Variants in DNMT1 observed in about 807,000 individuals in gnomAD.
DNMT1 encodes DNA methyltransferase 1, also known as DNA (cytosine-5)-methyltransferase 1.
Under a neutral mutation model 205.3 loss-of-function variants are expected in DNMT1, and 24 were observed. The observed-to-expected ratio is 0.12, with a 90% CI of 0.08 to 0.16. DNMT1 has a LOEUF of 0.16. DNMT1 is among the 10% of genes least tolerant of loss of function. DNMT1 has a pLI of 1.00. For missense variants in DNMT1, 1,293 were observed against 2,177.7 expected (o/e 0.59, Z 8.09); for synonymous variants, 817 against 839.8 (o/e 0.97, Z 0.47).
Position 10,149,504 on chromosome 19 carries a change from G to A in DNMT1, c.2535C>T (p.His845=), listed in dbSNP as rs2038289225. 6.2e-7 allele frequency: 1 copy of A among 1,614,116 alleles called. No homozygotes were observed. Among genetic ancestry groups the A allele is most frequent in the Non-Finnish European group, 8.5e-7 (1 of 1,180,022 alleles). ...CTTTGTAGATGACTTTCACTTTGCT[G>A]TGGATATATGAAAGCTGCATGTCCT... ...ECEDMQLSYI[H]SKVKVIYKAP... The change falls in exon 26 of 41, where the codon CAC becomes CAT. Residue 845 remains histidine, a synonymous_variant. Transcript: ENST00000359526.
At chr19:10,190,170 C>A (rs2039272087) in intron 1 of DNMT1, among the ~76,000 whole-genome samples, 1 of 152,110 alleles carries the variant, frequency 6.6e-6, no homozygotes, top group Non-Finnish European at 1.5e-5. Context: ...TTAATCCCAT[C>A]ACAGAATGAC....
rs2038347062 is a variant in DNMT1 at position 10,151,735 on chromosome 19, CT to C, written c.2117+14del. 1 of 1,613,964 alleles carries C rather than the reference CT, an allele frequency of 6.2e-7. No homozygotes were observed. The highest frequency in any genetic ancestry group is 1.3e-5 in the African/African-American group (1 of 74,932). On this transcript the variant is annotated intron_variant, in intron 23 of 40. Coordinates refer to ENST00000359526, the MANE Select transcript of DNMT1 (RefSeq NM_001130823.3). The surrounding 1 kb of genome is among the most constrained non-coding windows in gnomAD (Gnocchi z 5.0). ...CAAGTCCTCTGCCACAGGAGGAAGACTCGGCCTGACCTACCTCCGCTCTTGG... is the reference window on the plus strand; with the variant it reads ...CAAGTCCTCTGCCACAGGAGGAAGACCGGCCTGACCTACCTCCGCTCTTGG...
Position 10,140,282 on chromosome 19 carries a change from G to C in DNMT1, c.3570C>G (p.Ala1190=). Residue 1190 remains alanine (A), a synonymous_variant, in exon 33 of 41, where the codon GCC becomes GCG. Coordinates refer to ENST00000359526, the MANE Select transcript of DNMT1 (RefSeq NM_001130823.3). The surrounding 1 kb of genome is among the most constrained non-coding windows in gnomAD (Gnocchi z 8.4). ...CGGGGTTGTTCAGCCGGAACGCCTG[G>C]GCCGCAGGGTCCCACATCTCGATGG... ...LWAIEMWDPA[A]QAFRLNNPGS... The C allele has an allele frequency of 6.2e-7, 1 of 1,614,050 alleles. No individual in the cohort carries two copies. Among genetic ancestry groups the C allele is most frequent in the Non-Finnish European group, 8.5e-7 (1 of 1,180,034 alleles).
chr19:10,141,912 A>G, intron 30 of DNMT1, 116 bp downstream of exon 30: 2 of 1,293,498 alleles, frequency 1.5e-6, no homozygotes, highest in African/African-American at 2.9e-5. Context: ...CCAACCACCC[A>G]CTTCTTACAA....
rs1020363356 is a variant in DNMT1 at position 10,177,335 on chromosome 19, T to G, written c.526A>C (p.Lys176Gln). 7 of 1,613,876 alleles carry G rather than the reference T, an allele frequency of 4.3e-6. No homozygotes were observed. Among genetic ancestry groups the G allele is most frequent in the Middle Eastern group, 1.6e-4 (1 of 6,080 alleles). Residue 176 changes from lysine to glutamine, a missense_variant, in exon 6 of 41, where the codon AAA becomes CAA. This residue lies in a region of DNMT1 where 394 missense variants were observed against 451.6 expected (regional missense o/e 0.87). Coordinates refer to ENST00000359526, the MANE Select transcript of DNMT1 (RefSeq NM_001130823.3). ...EPSPSPRITRKSTRQTTITSH... is the reference protein window; with the variant it reads ...EPSPSPRITRQSTRQTTITSH... Reference sequence around the variant, plus strand: ...GTGATGGTGGTTTGCCTGGTGCTTTTCCTTGTAATCCTGGGGCTAGGTGAA... The same window carrying G: ...GTGATGGTGGTTTGCCTGGTGCTTTGCCTTGTAATCCTGGGGCTAGGTGAA...
intron 11 of DNMT1, among the ~76,000 whole-genome samples, chr19:10,166,378 G>A (rs1485442688): frequency 2.0e-5 from 3 of 152,098 alleles, no homozygotes; most frequent in African/African-American, 7.2e-5. Context: ...AAAGACAGAG[G>A]ACAACTGAGT....
At chr19:10,165,896 G>A (rs115372294) in intron 11 of DNMT1, among the ~76,000 whole-genome samples, 56 of 152,320 alleles carry the variant, frequency 3.7e-4, no homozygotes, top group African/African-American at 1.3e-3. Context: ...GGGTGGGGAT[G>A]GAAGCCCACT....
At chr19:10,170,523 A>G (rs765599942) in intron 9 of DNMT1, among the ~76,000 whole-genome samples, 3 of 152,224 alleles carry the variant, frequency 2.0e-5, no homozygotes, top group Non-Finnish European at 4.4e-5. Flanking sequence ...GGAAGCCTGT[A>G]ATCCCAGCTA....
In DNMT1 at chr19:10,138,410, T is replaced by C. The variant is rs565076498; in HGVS notation, c.4115+29A>G. On this transcript the variant is annotated intron_variant, in intron 35 of 40. Transcript: ENST00000359526. The surrounding 1 kb of genome is among the most constrained non-coding windows in gnomAD (Gnocchi z 4.1). ...TGAGCTACTGAGGCCTGCTCGGCAG[T>C]GTGTGGAGGAGCGACGGGGGCCACC... The C allele has an allele frequency of 1.5e-5, 25 of 1,613,594 alleles. 1 individual carries two copies. In the South Asian group the frequency reaches 2.6e-4, roughly 17 times the overall value.
Position 10,139,859 on chromosome 19 carries a change from C to G in DNMT1, c.3807-42G>C, listed in dbSNP as rs201924117. ...AGACTGCAGGAGTCACCTCCACAGA[C>G]AGAGGGAAGAAACGACCCACTGTGC... On this transcript the variant is annotated intron_variant, in intron 33 of 40. Coordinates refer to ENST00000359526, the MANE Select transcript of DNMT1 (RefSeq NM_001130823.3). 506 of 1,560,640 alleles carry G rather than the reference C, an allele frequency of 3.2e-4. 1 individual carries two copies. Among genetic ancestry groups the G allele is most frequent in the Middle Eastern group, 5.0e-4 (3 of 5,976 alleles).
intron 28 of DNMT1, among the ~76,000 whole-genome samples, chr19:10,144,948 G>A (rs912913554): frequency 2.6e-5 from 4 of 152,208 alleles, no homozygotes; most frequent in Non-Finnish European, 4.4e-5. Flanking sequence ...ATGTCGGCCA[G>A]GCTGGTCTTG....
chr19:10,172,006 CA>C lies in DNMT1; in HGVS notation c.768+1083del, dbSNP rs913252862. On this transcript the variant is annotated intron_variant, in intron 9 of 40. Transcript: ENST00000359526. ...TGGGTGATAGAGCGGGAGACTGTCT[CA>C]AAAAAAAAAAATTAAATTAAATTAA... is the stretch of plus-strand genomic sequence containing the variant. Among the ~76,000 whole-genome samples the C allele has an allele frequency of 1.5e-3, 201 of 132,172 alleles. 3 individuals carry two copies. The highest frequency in any genetic ancestry group is 0.011 in the Admixed American group (146 of 13,100). 86.7% of individuals were successfully genotyped at this position (132,172 alleles called of 152,430 possible). A position where few individuals can be genotyped will look rare whatever the true frequency, so the allele number is the denominator to read the frequency against.
In DNMT1 at chr19:10,138,628, A is replaced by AC; in HGVS notation, c.3949-24dup. 1 of 1,596,156 alleles carries AC rather than the reference A, an allele frequency of 6.3e-7. No homozygotes were observed. The highest frequency in any genetic ancestry group is 8.5e-7 in the Non-Finnish European group (1 of 1,178,506). On this transcript the variant is annotated intron_variant, in intron 34 of 40. Coordinates refer to ENST00000359526, the MANE Select transcript of DNMT1 (RefSeq NM_001130823.3). This position sits in a 1 kb window ranked among gnomAD's most constrained non-coding sequence, Gnocchi z 4.1. ...GGCCTGTGGGGGAGAAGGACGGACA[A>AC]CCCCACCGTCAGTGGGACACTCCCA...
chr19:10,143,956 G>A lies in DNMT1; in HGVS notation c.2926C>T (p.Arg976Trp), dbSNP rs1568226455. The A allele has an allele frequency of 1.9e-6, 3 of 1,614,048 alleles. No individual in the cohort carries two copies. Among genetic ancestry groups the A allele is most frequent in the Non-Finnish European group, 2.5e-6 (3 of 1,179,984 alleles). ...AGGTCCTCATCCACGGGCTCCTTCC[G>A]TGGGCGTTTCACGGGACTGGACAGC... The part of the protein sequence containing the change: ...IKLSSPVKRP[R>W]KEPVDEDLYP... Residue 976 changes from arginine (R) to tryptophan (W), a missense_variant, in exon 29 of 41, where the codon CGG (arginine) becomes TGG (tryptophan). Arg to Trp is a moderately radical substitution (Grantham distance 101). Coordinates refer to ENST00000359526, the MANE Select transcript of DNMT1 (RefSeq NM_001130823.3).
chr19:10,168,838 A>G (rs2038745050), intron 9 of DNMT1, among the ~76,000 whole-genome samples: 1 of 152,012 alleles, frequency 6.6e-6, no homozygotes, highest in Non-Finnish European at 1.5e-5. Flanking sequence ...GACTGCATTT[A>G]TTCATTTATT....
At chr19:10,148,292 C>G (rs565178821) in intron 27 of DNMT1, among the ~76,000 whole-genome samples, 46 of 150,734 alleles carry the variant, frequency 3.1e-4, no homozygotes, top group Admixed American at 9.9e-4. Flanking sequence ...GTCAGGAGAT[C>G]GAGACCATCC....
chr19:10,162,759 AACAGATAC>A lies in DNMT1; in HGVS notation c.927-19_927-12del. 6.2e-7 allele frequency: 1 copy of A among 1,613,870 alleles called. No individual in the cohort carries two copies. The highest frequency in any genetic ancestry group is 8.5e-7 in the Non-Finnish European group (1 of 1,179,908). ...CTCCGTTTGGCAGCTCTGCAGGGTG[AACAGATAC>A]ACAGCAAGTAGCAGCTTAGAAACAC... On this transcript the variant is annotated splice_polypyrimidine_tract_variant and intron_variant, in intron 12 of 40. Coordinates refer to ENST00000359526, the MANE Select transcript of DNMT1 (RefSeq NM_001130823.3).
chr19:10,155,043 G>A lies in DNMT1; in HGVS notation c.1506C>T (p.Tyr502=). 6.2e-7 allele frequency: 1 copy of A among 1,614,184 alleles called. No individual in the cohort carries two copies. Among genetic ancestry groups the A allele is most frequent in the Admixed American group, 1.7e-5 (1 of 60,020 alleles). The change falls in exon 20 of 41, where the codon TAC becomes TAT. Residue 502 remains tyrosine, a synonymous_variant. Coordinates refer to ENST00000359526, the MANE Select transcript of DNMT1 (RefSeq NM_001130823.3). ...ACTCGGGACTGGGATCCATCAGAAT[G>A]TATTCGGCAAATGCTGGGGTGAACA... ...LIGFSTSFAE[Y]ILMDPSPEYA...
intron 27 of DNMT1, 110 bp downstream of exon 27, chr19:10,148,774 C>A: frequency 1.3e-6 from 2 of 1,592,276 alleles, no homozygotes; most frequent in Non-Finnish European, 1.7e-6. Context: ...GAGCAAGAGA[C>A]ACAAACTGGG....
Sources: allele counts gnomAD v4.1 joint callset (sites outside exome capture counted in the v4.1 genomes callset), GRCh38; gene constraint gnomAD v4.1.1; regional missense constraint gnomAD v4.1.1; non-coding constraint Gnocchi (gnomAD v3.1); transcripts MANE v1.5; gene names NCBI Gene and HGNC (gene_info 2026-07-23, HGNC 2026-07-21).